Variants in TNPO3 observed in about 807,000 individuals in gnomAD.
The protein encoded by TNPO3 is transportin 3.
In TNPO3, 65 loss-of-function variants were observed where a neutral mutation model predicts 122.8. The observed-to-expected ratio is 0.53, with a 90% CI of 0.43 to 0.65. The LOEUF (loss-of-function observed/expected upper bound fraction) is 0.65, where lower values mean the gene tolerates loss of function less well. Among genes scored for constraint, TNPO3 ranks in the 30% least tolerant of loss-of-function variants. The pLI is 0.00. For missense variants in TNPO3, 850 were observed against 1,136.7 expected, an observed-to-expected ratio of 0.75 and a Z score of 3.63; for synonymous variants, 372 against 411.2, an observed-to-expected ratio of 0.90 and a Z score of 1.15.
chr7:128,975,982 G>A (rs1175398817), intron 16 of TNPO3, 47 bp from the exon 17 acceptor site: 1 of 1,351,828 alleles, frequency 7.4e-7, no homozygotes, highest in South Asian at 1.2e-5. Flanking sequence ...CCTTCAAAAA[G>A]TACCAACTTA....
intron 1 of TNPO3, among the ~76,000 whole-genome samples, chr7:129,040,838 A>G (rs1433377945): frequency 6.6e-6 from 1 of 152,172 alleles, no homozygotes; most frequent in Non-Finnish European, 1.5e-5. Context: ...ATTTACTTTG[A>G]TACTGTCTTA....
intron 1 of TNPO3, among the ~76,000 whole-genome samples, chr7:129,053,194 G>A (rs1202450580): frequency 6.6e-6 from 1 of 152,096 alleles, no homozygotes; most frequent in African/African-American, 2.4e-5. Flanking sequence ...GTGTGGTGGC[G>A]TGTGCCTGTA....
At chr7:129,018,376 C>T (rs1291380356) in intron 1 of TNPO3, among the ~76,000 whole-genome samples, 2 of 152,164 alleles carry the variant, frequency 1.3e-5, no homozygotes, top group African/African-American at 2.4e-5. Context: ...TCTAGGAAGG[C>T]ATGAGAGCTA....
chr7:129,043,054 G>C (rs946158807), intron 1 of TNPO3, among the ~76,000 whole-genome samples: 3 of 151,922 alleles, frequency 2.0e-5, no homozygotes, highest in Non-Finnish European at 4.4e-5. Flanking sequence ...ATAATCAAAA[G>C]GAAAACAAGT....
intron 1 of TNPO3, among the ~76,000 whole-genome samples, chr7:129,022,710 A>C (rs962435664): frequency 2.0e-5 from 3 of 152,192 alleles, no homozygotes; most frequent in Admixed American, 2.0e-4. Context: ...TGAACACTTC[A>C]TGAAAGAAGA....
intron 2 of TNPO3, among the ~76,000 whole-genome samples, chr7:129,017,545 G>T (rs1262175038): frequency 6.6e-6 from 1 of 152,126 alleles, no homozygotes; most frequent in African/African-American, 2.4e-5. Context: ...GAGAACACAT[G>T]TGAGTACGTA....
At chr7:128,959,392 T>C (rs1797215629) in intron 21 of TNPO3, among the ~76,000 whole-genome samples, 1 of 152,172 alleles carries the variant, frequency 6.6e-6, no homozygotes, top group South Asian at 2.1e-4. Flanking sequence ...AGAAACAGGG[T>C]CTCATTGTGT....
At chr7:129,025,915 C>G (rs1805094771) in intron 1 of TNPO3, among the ~76,000 whole-genome samples, 1 of 152,112 alleles carries the variant, frequency 6.6e-6, no homozygotes, top group Non-Finnish European at 1.5e-5. Flanking sequence ...CACCTGAGGT[C>G]AGGAGTTCTA....
At chr7:128,969,113 C>T (rs1029866076) in intron 20 of TNPO3, among the ~76,000 whole-genome samples, 2 of 151,998 alleles carry the variant, frequency 1.3e-5, no homozygotes, top group East Asian at 1.9e-4. Context: ...TGTTGTTGTT[C>T]GCACTTAACA....
chr7:128,970,430 A>G lies in TNPO3; in HGVS notation c.2431-115T>C, dbSNP rs1691779. The G allele has an allele frequency of 1, 929,586 of 932,248 alleles. 463,498 individuals are homozygous for G. The highest frequency in any genetic ancestry group is 1 in the East Asian group (39,537 of 39,548). 57.7% of individuals were successfully genotyped at this position (932,248 alleles called of 1,614,324 possible). On this transcript the variant is annotated intron_variant, in intron 19 of 22. Coordinates refer to ENST00000265388, the MANE Select transcript of TNPO3 (RefSeq NM_012470.4). ...AATAGGAAAGTGTGTGTGTGTGTGC[A>G]CGCGTGGCTGTGTGTGTGTGTATGC... is the stretch of plus-strand genomic sequence containing the variant.
intron 4 of TNPO3, among the ~76,000 whole-genome samples, chr7:129,013,730 C>T (rs1043592709): frequency 6.6e-5 from 10 of 152,112 alleles, no homozygotes; most frequent in Non-Finnish European, 1.3e-4. Context: ...TACCTATCAA[C>T]GGCTGAATGG....
At position 128,997,021 on chromosome 7, in the gene TNPO3, C is replaced by CT. The variant is rs549468017; in HGVS notation, c.1158+367dup. Among the ~76,000 whole-genome samples the CT allele has an allele frequency of 5.6e-4, 83 of 148,334 alleles. 1 individual carries two copies. The South Asian group carries it at 0.01, about 19-fold the overall frequency. ...TTACTGGTTTAGCTGGAGTGTTTTG[C>CT]TTTTTTTTTTCCCTAAATAGACCTA... On this transcript the variant is annotated intron_variant, in intron 8 of 22. Coordinates refer to ENST00000265388, the MANE Select transcript of TNPO3 (RefSeq NM_012470.4).
At chr7:128,992,798 T>G (rs1284078421) in intron 9 of TNPO3, among the ~76,000 whole-genome samples, 3 of 123,206 alleles carry the variant, frequency 2.4e-5, no homozygotes, top group Non-Finnish European at 5.2e-5. Context: ...AATTAATAAC[T>G]TTTTTTTGGC....
At chr7:129,054,371 G>A (rs1809203799) in intron 1 of TNPO3, among the ~76,000 whole-genome samples, 2 of 152,152 alleles carry the variant, frequency 1.3e-5, no homozygotes, top group African/African-American at 2.4e-5. Context: ...AACGGCAAAG[G>A]GAGAACTTAA....
intron 1 of TNPO3, among the ~76,000 whole-genome samples, chr7:129,031,406 A>C (rs962590936): frequency 6.6e-6 from 1 of 152,242 alleles, no homozygotes; most frequent in African/African-American, 2.4e-5. Context: ...GGTTATAAAA[A>C]GTATTATGAA....
At chr7:129,047,906 A>T (rs1459848999) in intron 1 of TNPO3, among the ~76,000 whole-genome samples, 1 of 152,194 alleles carries the variant, frequency 6.6e-6, no homozygotes, top group Non-Finnish European at 1.5e-5. Context: ...TTTGGTTACA[A>T]ATGCCATTTA....
intron 1 of TNPO3, among the ~76,000 whole-genome samples, chr7:129,043,743 T>A (rs1807685040): frequency 6.6e-6 from 1 of 152,210 alleles, no homozygotes; most frequent in African/African-American, 2.4e-5. Context: ...TAAAGCCAAC[T>A]TCAGTTGGGA....
chr7:129,028,628 C>A, intron 1 of TNPO3, among the ~76,000 whole-genome samples: 1 of 152,224 alleles, frequency 6.6e-6, no homozygotes, highest in Non-Finnish European at 1.5e-5. Flanking sequence ...TCCAGCACTA[C>A]CTTGGGCCAG....
chr7:129,019,713 G>C (rs1208249985), intron 1 of TNPO3, among the ~76,000 whole-genome samples: 1 of 152,078 alleles, frequency 6.6e-6, no homozygotes, highest in Non-Finnish European at 1.5e-5. Context: ...ATTAGCTGGG[G>C]CCCAGCACAG....
Sources: allele counts gnomAD v4.1 joint callset (sites outside exome capture counted in the v4.1 genomes callset), GRCh38; gene constraint gnomAD v4.1.1; transcripts MANE v1.5; gene names NCBI Gene and HGNC (gene_info 2026-07-23, HGNC 2026-07-21).